Variants in SMAP1 observed in about 807,000 individuals in gnomAD.
The protein encoded by SMAP1 is small ArfGAP 1.
Under a neutral mutation model 58.5 loss-of-function variants are expected in SMAP1, and 24 were observed. The ratio of observed to expected loss-of-function variants is 0.41; its 90% CI spans 0.30 to 0.58. The LOEUF (loss-of-function observed/expected upper bound fraction) is 0.58, where lower values mean the gene tolerates loss of function less well. Among genes scored for constraint, SMAP1 ranks in the 20% least tolerant of loss-of-function variants. SMAP1 has a pLI of 0.29. For synonymous variants in SMAP1, 216 were observed against 196.6 expected (o/e 1.10, Z -0.82); for missense variants, 563 against 566.3 (o/e 0.99, Z 0.06).
intron 7 of SMAP1, 21 bp from the exon 8 acceptor site, chr6:70,852,519 G>T: frequency 6.6e-7 from 1 of 1,512,276 alleles, no homozygotes; most frequent in South Asian, 1.4e-5. Flanking sequence ...ACGTTAAGAC[G>T]AGAATCTATA....
chr6:70,753,251 C>T (rs558377633), intron 2 of SMAP1, among the ~76,000 whole-genome samples: 6 of 152,034 alleles, frequency 3.9e-5, no homozygotes, highest in Non-Finnish European at 7.4e-5. Context: ...AAAATGTAAA[C>T]GAGGATTGAT....
At chr6:70,711,396 G>A (rs1264787920) in intron 1 of SMAP1, among the ~76,000 whole-genome samples, 1 of 152,128 alleles carries the variant, frequency 6.6e-6, no homozygotes, top group African/African-American at 2.4e-5. Context: ...ATTATGCAGA[G>A]CCTGACTGTA....
chr6:70,815,256 A>G (rs763796567), intron 6 of SMAP1, among the ~76,000 whole-genome samples: 27 of 152,322 alleles, frequency 1.8e-4, no homozygotes, highest in Non-Finnish European at 2.9e-4. Context: ...GACCAAAACT[A>G]TAGGTTAACA....
chr6:70,820,248 G>A (rs1361538560), intron 6 of SMAP1, among the ~76,000 whole-genome samples: 1 of 151,966 alleles, frequency 6.6e-6, no homozygotes, highest in Non-Finnish European at 1.5e-5. Flanking sequence ...TATATGTATT[G>A]GATGTATCAG....
chr6:70,805,217 C>T (rs932235690), intron 6 of SMAP1, among the ~76,000 whole-genome samples: 1 of 151,958 alleles, frequency 6.6e-6, no homozygotes, highest in Non-Finnish European at 1.5e-5. Context: ...TCTTTTTTCT[C>T]TAATCTTGTC....
At chr6:70,808,207 A>C (rs1769220974) in intron 6 of SMAP1, among the ~76,000 whole-genome samples, 1 of 152,138 alleles carries the variant, frequency 6.6e-6, no homozygotes, top group South Asian at 2.1e-4. Flanking sequence ...CGCAGTTCAA[A>C]CCCATGTCGT....
At chr6:70,691,926 G>A (rs997277330) in intron 1 of SMAP1, among the ~76,000 whole-genome samples, 4 of 152,142 alleles carry the variant, frequency 2.6e-5, no homozygotes, top group Admixed American at 1.3e-4. Context: ...AAACATGGCC[G>A]TGCAGGTATC....
chr6:70,846,378 G>A (rs1045704258), intron 7 of SMAP1, among the ~76,000 whole-genome samples: 4 of 152,200 alleles, frequency 2.6e-5, no homozygotes, highest in Admixed American at 1.3e-4. Context: ...TCCTGGTGAC[G>A]AAGCAGGTGG....
At chr6:70,745,408 C>T (rs1582101753) in intron 2 of SMAP1, among the ~76,000 whole-genome samples, 1 of 152,148 alleles carries the variant, frequency 6.6e-6, no homozygotes, top group Non-Finnish European at 1.5e-5. Context: ...CCAGTTTTCC[C>T]AGCACCATTT....
chr6:70,701,341 C>T (rs1354683256), intron 1 of SMAP1, among the ~76,000 whole-genome samples: 2 of 152,034 alleles, frequency 1.3e-5, no homozygotes, highest in East Asian at 3.9e-4. Context: ...CTCTGGATCA[C>T]AGGCATGAGC....
chr6:70,806,387 G>C lies in SMAP1; in HGVS notation c.576+7650G>C, dbSNP rs549577235. On this transcript the variant is annotated intron_variant, in intron 6 of 10. Coordinates refer to ENST00000370455, the MANE Select transcript of SMAP1 (RefSeq NM_001044305.3). ...GAAAATACAGTATTTAGGCAGGAGT[G>C]TCCCGTTTTTCCAGGTAGTCTGTCA... Among the ~76,000 whole-genome samples, 16 of 152,334 alleles carry C rather than the reference G, an allele frequency of 1.1e-4. No individual in the cohort carries two copies. In the East Asian group the frequency reaches 3.1e-3, roughly 29 times the overall value.
intron 1 of SMAP1, among the ~76,000 whole-genome samples, chr6:70,711,136 A>G (rs1474267465): frequency 6.6e-6 from 1 of 152,234 alleles, no homozygotes; most frequent in African/African-American, 2.4e-5. Context: ...AACAGTAAAA[A>G]GTATAGTAAA....
intron 1 of SMAP1, among the ~76,000 whole-genome samples, chr6:70,680,780 A>G (rs1001435933): frequency 1.7e-5 from 2 of 115,986 alleles, no homozygotes; most frequent in Non-Finnish European, 3.2e-5. Context: ...GTGCAGTGGT[A>G]TGATCTCGGC....
chr6:70,768,226 C>G (rs1210587341), intron 3 of SMAP1, among the ~76,000 whole-genome samples: 2 of 152,138 alleles, frequency 1.3e-5, no homozygotes, highest in East Asian at 1.9e-4. Flanking sequence ...TTGGTTGTGT[C>G]TCTGTCAGGC....
At chr6:70,777,407 T>C (rs1009761390) in intron 4 of SMAP1, among the ~76,000 whole-genome samples, 1 of 152,218 alleles carries the variant, frequency 6.6e-6, no homozygotes, top group Non-Finnish European at 1.5e-5. Flanking sequence ...TTGGCCATTT[T>C]TGTGTCTTTT....
intron 1 of SMAP1, 84 bp downstream of exon 1, chr6:70,668,225 C>A: frequency 2.4e-6 from 3 of 1,253,330 alleles, no homozygotes; most frequent in Non-Finnish European, 2.2e-6. Context: ...GGGGCCCGAG[C>A]GGACGCCTCG....
At chr6:70,745,285 T>C (rs560486958) in intron 2 of SMAP1, among the ~76,000 whole-genome samples, 1 of 152,358 alleles carries the variant, frequency 6.6e-6, no homozygotes, top group Non-Finnish European at 1.5e-5. Flanking sequence ...TACGTTTTCT[T>C]ATAGGGTTTT....
At chr6:70,697,077 G>T (rs1205864213) in intron 1 of SMAP1, among the ~76,000 whole-genome samples, 1 of 152,016 alleles carries the variant, frequency 6.6e-6, no homozygotes, top group Non-Finnish European at 1.5e-5. Context: ...TTTGCATGCA[G>T]TATCTTCTTC....
chr6:70,788,189 C>G (rs13207111), intron 4 of SMAP1, among the ~76,000 whole-genome samples: 65,606 of 150,504 alleles, frequency 0.44, 14,611 homozygotes, highest in South Asian at 0.5. Context: ...TCTCAGCAAA[C>G]TATCGCAAGG....
Sources: allele counts gnomAD v4.1 joint callset (sites outside exome capture counted in the v4.1 genomes callset), GRCh38; gene constraint gnomAD v4.1.1; transcripts MANE v1.5; gene names NCBI Gene and HGNC (gene_info 2026-07-23, HGNC 2026-07-21).